Variants in BOD1L1 observed in about 807,000 individuals in gnomAD.
BOD1L1 encodes biorientation of chromosomes in cell division 1 like 1.
A neutral mutation model predicts 240.7 loss-of-function variants in BOD1L1; 86 were observed. The ratio of observed to expected loss-of-function variants is 0.36; its 90% confidence interval spans 0.30 to 0.43. The LOEUF is 0.43. Among genes scored for constraint, BOD1L1 ranks in the 20% least tolerant of loss-of-function variants. The probability of loss-of-function intolerance (pLI) is 1.00; values close to 1 mark genes in which losing one functional copy is unlikely to be tolerated. For synonymous variants in BOD1L1, 1,268 were observed against 1,272.3 expected, an observed-to-expected ratio of 1.00 and a Z score of 0.07; for missense variants, 3,554 against 3,643.5, an observed-to-expected ratio of 0.98 and a Z score of 0.63.
rs1714908766 is a variant in BOD1L1, at chr4:13,599,445, G to A, written c.7455C>T (p.Ser2485=). The stretch of plus-strand genomic sequence containing the variant: ...CCCTTCCTGCTGAATAACTTGCTGT[G>A]CTACTGCCCCCTGCTGTCCCTGTCT... ...SPETGTAGGS[S]TASYSAGRGL... Residue 2485 remains serine, a synonymous_variant, in exon 10 of 26, where the codon AGC becomes AGT. Coordinates refer to ENST00000040738, the MANE Select transcript of BOD1L1 (RefSeq NM_148894.3). 2 of 1,613,984 alleles carry A rather than the reference G, an allele frequency of 1.2e-6. No individual in the cohort carries two copies. The highest frequency in any genetic ancestry group is 2.7e-5 in the African/African-American group (2 of 75,034).
chr4:13,589,572 C>T (rs1375800571), intron 14 of BOD1L1, among the ~76,000 whole-genome samples: 4 of 152,124 alleles, frequency 2.6e-5, no homozygotes, highest in African/African-American at 9.7e-5. Flanking sequence ...AAGCAGGCAA[C>T]ATAGGTTACA....
chr4:13,623,212 A>T (rs544643569), intron 1 of BOD1L1, among the ~76,000 whole-genome samples: 6 of 152,228 alleles, frequency 3.9e-5, no homozygotes, highest in Non-Finnish European at 7.4e-5. Context: ...TGTAAGCTCC[A>T]TAACAGTGGG....
rs144172082 is a variant in BOD1L1, at chr4:13,601,968, G to T, written c.4932C>A (p.Ser1644Arg). The change falls in exon 10 of 26, where the codon AGC becomes AGA. Residue 1644 changes from serine to arginine, a missense_variant. This residue lies in a region of BOD1L1 where 3,393 missense variants were observed against 3,427.1 expected (regional missense o/e 0.99). Coordinates refer to ENST00000040738, the MANE Select transcript of BOD1L1 (RefSeq NM_148894.3). ...HAVKIEANVN[S>R]VVTEEKDDAV... The stretch of plus-strand genomic sequence containing the variant: ...CATCATCCTTTTCCTCTGTCACAAC[G>T]CTATTTACATTGGCTTCGATTTTAA... 7.4e-6 allele frequency: 12 copies of T among 1,613,750 alleles called. No homozygotes were observed. The highest frequency in any genetic ancestry group is 8.5e-6 in the Non-Finnish European group (10 of 1,179,876).
chr4:13,570,066 C>A lies in BOD1L1; in HGVS notation c.9101G>T (p.Arg3034Leu). The stretch of plus-strand genomic sequence containing the variant: ...CTCCACCCTTTGCTGGCCTCTTGTT[C>A]GGGCCCCAGGAGGGCTGACTTCTCT... ...RKREVSPPGA[R>L]TRGQQRVEEA... is the part of the protein sequence containing the mutation. The change falls in exon 26 of 26, where the codon CGA becomes CTA. Residue 3034 changes from arginine (R) to leucine (L), a missense_variant. Physicochemically the swap from Arg to Leu is moderately radical, Grantham distance 102. Coordinates refer to ENST00000040738, the MANE Select transcript of BOD1L1 (RefSeq NM_148894.3). The A allele has an allele frequency of 6.2e-7, 1 of 1,606,014 alleles. No homozygotes were observed. The highest frequency in any genetic ancestry group is 8.5e-7 in the Non-Finnish European group (1 of 1,176,696).
chr4:13,618,093 G>A (rs1342712659), intron 2 of BOD1L1, among the ~76,000 whole-genome samples: 4 of 152,194 alleles, frequency 2.6e-5, no homozygotes, highest in African/African-American at 7.2e-5. Flanking sequence ...TACTGGTACA[G>A]CAATAATTTT....
chr4:13,613,484 A>G lies in BOD1L1; in HGVS notation c.1324+28T>C. On this transcript the variant is annotated intron_variant, in intron 5 of 25. Coordinates refer to ENST00000040738, the MANE Select transcript of BOD1L1 (RefSeq NM_148894.3). The surrounding 1 kb of genome is among the most constrained non-coding windows in gnomAD (Gnocchi z 4.0). ...CAAATAATGCTTGACAGGATGCTTC[A>G]GAGGCATTATTATGTAAAATGCTTT... is the stretch of plus-strand genomic sequence containing the variant. 6.3e-7 allele frequency: 1 copy of G among 1,597,558 alleles called. No homozygotes were observed. Among genetic ancestry groups the G allele is most frequent in the Middle Eastern group, 1.7e-4 (1 of 5,992 alleles).
In BOD1L1 at chr4:13,602,498, C is replaced by G. The variant is rs1244446630; in HGVS notation, c.4402G>C (p.Asp1468His). Residue 1468 changes from aspartate (D) to histidine (H), a missense_variant, in exon 10 of 26, where the codon GAC becomes CAC. By Grantham distance (81) the Asp-to-His change is moderately conservative. Around this residue, in one of 2 missense-constraint regions of BOD1L1, gnomAD observed 3,393 missense variants for 3,427.1 expected, o/e 0.99. Coordinates refer to ENST00000040738, the MANE Select transcript of BOD1L1 (RefSeq NM_148894.3). ...CTTCTTTCAACATCAATTGATATGT[C>G]TTTTACTTTACCTGGGCTTCTTTTA... ...KHKRSPGKVK[D>H]ISIDVERRNE... The G allele has an allele frequency of 6.2e-7, 1 of 1,613,952 alleles. No homozygotes were observed. The highest frequency in any genetic ancestry group is 8.5e-7 in the Non-Finnish European group (1 of 1,179,858).
At position 13,600,615 on chromosome 4, in the gene BOD1L1, G is replaced by A. The variant is rs567150047; in HGVS notation, c.6285C>T (p.Leu2095=). 5.6e-6 allele frequency: 9 copies of A among 1,613,858 alleles called. No homozygotes were observed. The East Asian group carries it at 1.8e-4, about 32-fold the overall frequency. Reference sequence around the variant, plus strand: ...TTTCTTCAGTTCTCAGAGCATCTGAGAGACCTCCTTCCACATCTGTAATTG... The same window carrying A: ...TTTCTTCAGTTCTCAGAGCATCTGAAAGACCTCCTTCCACATCTGTAATTG... ...VSAITDVEGG[L]SDALRTEENM... is the part of the protein sequence containing the mutation. The change falls in exon 10 of 26, where the codon CTC becomes CTT. Residue 2095 remains leucine (L), a synonymous_variant. Coordinates refer to ENST00000040738, the MANE Select transcript of BOD1L1 (RefSeq NM_148894.3).
chr4:13,607,615 C>T (rs1204854999), intron 8 of BOD1L1, among the ~76,000 whole-genome samples: 1 of 152,144 alleles, frequency 6.6e-6, no homozygotes, highest in Admixed American at 6.5e-5. Context: ...ATAATTTATA[C>T]ACTTGATCGA....
intron 25 of BOD1L1, 34 bp from the exon 26 acceptor site, chr4:13,570,162 T>C: frequency 7.0e-7 from 1 of 1,436,468 alleles, no homozygotes; most frequent in Non-Finnish European, 9.3e-7. Flanking sequence ...ATGGTGAGGT[T>C]TAAAAGCAGC....
chr4:13,585,783 A>G (rs1560185297), intron 17 of BOD1L1, among the ~76,000 whole-genome samples: 2 of 152,182 alleles, frequency 1.3e-5, no homozygotes, highest in Non-Finnish European at 2.9e-5. Context: ...CTGACAGTGA[A>G]TAAGTCTCCT....
chr4:13,592,943 T>A (rs1279316639), intron 12 of BOD1L1: 1 of 152,160 alleles, frequency 6.6e-6, no homozygotes, highest in Non-Finnish European at 1.5e-5. Context: ...ATATTTAGCC[T>A]CAAATGAGTA....
At chr4:13,609,184 T>C in intron 7 of BOD1L1, 111 bp downstream of exon 7, 1 of 581,324 alleles carries the variant, frequency 1.7e-6, no homozygotes, top group East Asian at 3.5e-5. Context: ...CTTCCACATT[T>C]GAGACTAGAT....
chr4:13,624,006 G>C (rs949750077), intron 1 of BOD1L1: 1 of 151,454 alleles, frequency 6.6e-6, no homozygotes, highest in African/African-American at 2.4e-5. Flanking sequence ...TTGGCTTTTT[G>C]GGAAGCAGGG....
rs1230103543 is a variant in BOD1L1 at position 13,602,882 on chromosome 4, T to A, written c.4018A>T (p.Thr1340Ser). Residue 1340 changes from threonine (T) to serine (S), a missense_variant, in exon 10 of 26, where the codon ACA becomes TCA. Physicochemically the swap from Thr to Ser is moderately conservative, Grantham distance 58. Transcript: ENST00000040738. ...TCACCACCTTCTTTGCTGTCACTTG[T>A]CTTAAGGACTTCTGATTCCCTAACA... is the stretch of plus-strand genomic sequence containing the variant. ...LTVRESEVLK[T>S]SDSKEGGEGF... The A allele has an allele frequency of 6.2e-7, 1 of 1,614,042 alleles. No individual in the cohort carries two copies. Among genetic ancestry groups the A allele is most frequent in the South Asian group, 1.1e-5 (1 of 91,080 alleles).
chr4:13,619,851 A>C, intron 2 of BOD1L1, 92 bp downstream of exon 2: 2 of 1,420,976 alleles, frequency 1.4e-6, no homozygotes, highest in Non-Finnish European at 9.5e-7. Flanking sequence ...CAACATCATT[A>C]GGTGAACAAA....
chr4:13,611,851 T>G (rs1716197572), intron 5 of BOD1L1, among the ~76,000 whole-genome samples: 1 of 152,156 alleles, frequency 6.6e-6, no homozygotes, highest in African/African-American at 2.4e-5. Flanking sequence ...AGGTGGGAAT[T>G]AATAACTGGA....
In BOD1L1 at chr4:13,602,351, C is replaced by G; in HGVS notation, c.4549G>C (p.Val1517Leu). 1 of 1,613,958 alleles carries G rather than the reference C, an allele frequency of 6.2e-7. No homozygotes were observed. The highest frequency in any genetic ancestry group is 8.5e-7 in the Non-Finnish European group (1 of 1,179,878). Residue 1517 changes from valine (V) to leucine (L), a missense_variant, in exon 10 of 26, where the codon GTT becomes CTT. Coordinates refer to ENST00000040738, the MANE Select transcript of BOD1L1 (RefSeq NM_148894.3). ...TCCTTCCCTTCAGTACTAGTGGCAA[C>G]AGAAGTCTTTTCTGCTCTCCTAGGC... ...TGPRRAEKTS[V>L]ATSTEGKDKD... is the part of the protein sequence containing the mutation.
intron 6 of BOD1L1, among the ~76,000 whole-genome samples, chr4:13,609,757 G>C (rs1414569068): frequency 1.3e-5 from 2 of 152,136 alleles, no homozygotes; most frequent in Non-Finnish European, 2.9e-5. Flanking sequence ...AAATATCTAT[G>C]AACATCAAGT....
Sources: allele counts gnomAD v4.1 joint callset (sites outside exome capture counted in the v4.1 genomes callset), GRCh38; gene constraint gnomAD v4.1.1; regional missense constraint gnomAD v4.1.1; non-coding constraint Gnocchi (gnomAD v3.1); transcripts MANE v1.5; gene names NCBI Gene and HGNC (gene_info 2026-07-23, HGNC 2026-07-21).